The following PDE11A variants were observed in gnomAD, a reference collection of about 807,000 sequenced individuals.
PDE11A encodes dual 3',5'-cyclic-AMP and -GMP phosphodiesterase 11A.
A neutral mutation model predicts 100.5 loss-of-function variants in PDE11A; 100 were observed. The observed-to-expected ratio is 1.00, with a 90% CI of 0.85 to 1.18. The LOEUF is 1.18. Ranked by LOEUF, PDE11A falls within the 50% of genes most tolerant of loss-of-function variation. The pLI, the probability that PDE11A is intolerant of heterozygous loss-of-function variation, is 0.00. For missense variants in PDE11A, 1,141 were observed against 1,152.6 expected (o/e 0.99, Z 0.15); for synonymous variants, 381 against 420.8 (o/e 0.91, Z 1.16).
At chr2:177,678,632 C>G (rs1574035628) in intron 16 of PDE11A, among the ~76,000 whole-genome samples, 1 of 152,212 alleles carries the variant, frequency 6.6e-6, no homozygotes, top group East Asian at 1.9e-4. Flanking sequence ...AGAGCACCAC[C>G]CTTGGTGCAA....
At chr2:177,905,878 C>T (rs2084778003) in intron 2 of PDE11A, among the ~76,000 whole-genome samples, 1 of 152,134 alleles carries the variant, frequency 6.6e-6, no homozygotes, top group Admixed American at 6.5e-5. Flanking sequence ...GAGAAGTCCT[C>T]CTATGGGCAG....
At chr2:177,905,278 A>G in intron 2 of PDE11A, 91 bp from the exon 3 acceptor site, 1 of 701,784 alleles carries the variant, frequency 1.4e-6, no homozygotes, top group Admixed American at 2.1e-5. Flanking sequence ...TATATGCCTG[A>G]TTGTAATACT....
At chr2:178,027,858 C>T (rs1417451486) in intron 1 of PDE11A, among the ~76,000 whole-genome samples, 1 of 152,162 alleles carries the variant, frequency 6.6e-6, no homozygotes, top group African/African-American at 2.4e-5. Context: ...ATCACAACCT[C>T]TTATGTGGCA....
In PDE11A at chr2:177,629,407, T is replaced by G; in HGVS notation, c.2802A>C (p.Ter934TyrextTer10). 3 of 1,613,322 alleles carry G rather than the reference T, an allele frequency of 1.9e-6. No individual in the cohort carries two copies. The highest frequency in any genetic ancestry group is 2.5e-6 in the Non-Finnish European group (3 of 1,179,892). The part of the protein sequence containing the change: ...SVMVAKEDRN[*>Y] ...TTGCAGCTGCAGCTGACCTGGAGGT[T>G]TAGTTCCTGTCTTCCTTGGCTACCA... Residue 934 changes from the stop codon to tyrosine (Y), a stop_lost, in exon 20 of 20, where the codon TAA (stop) becomes TAC (tyrosine). Coordinates refer to ENST00000286063, the MANE Select transcript of PDE11A (RefSeq NM_016953.4).
intron 5 of PDE11A, among the ~76,000 whole-genome samples, chr2:177,857,411 T>C (rs879936969): frequency 1.3e-5 from 2 of 151,988 alleles, no homozygotes; most frequent in Non-Finnish European, 2.9e-5. Context: ...ATAGTATAAA[T>C]GTATGTTTGT....
chr2:177,723,533 C>T (rs1338100946), intron 12 of PDE11A, among the ~76,000 whole-genome samples: 1 of 152,148 alleles, frequency 6.6e-6, no homozygotes, highest in Non-Finnish European at 1.5e-5. Flanking sequence ...TCTATATGAA[C>T]CCTAGCTGAA....
chr2:177,659,991 G>C (rs956421552), intron 19 of PDE11A, among the ~76,000 whole-genome samples: 2 of 152,058 alleles, frequency 1.3e-5, no homozygotes, highest in South Asian at 4.1e-4. Context: ...TGATTAAAAG[G>C]CTGTCACCCA....
chr2:178,019,292 C>T (rs1421367729), intron 1 of PDE11A, among the ~76,000 whole-genome samples: 4 of 152,050 alleles, frequency 2.6e-5, no homozygotes, highest in East Asian at 3.9e-4. Context: ...AGAGAAGTTC[C>T]GTTTAGGGAA....
intron 1 of PDE11A, among the ~76,000 whole-genome samples, chr2:178,059,279 G>T (rs2086937684): frequency 6.6e-6 from 1 of 152,186 alleles, no homozygotes; most frequent in Admixed American, 6.5e-5. Flanking sequence ...TGGGTATGGG[G>T]AGAGTCAGTG....
At chr2:177,752,314 G>A (rs1392634863) in intron 10 of PDE11A, among the ~76,000 whole-genome samples, 3 of 152,156 alleles carry the variant, frequency 2.0e-5, no homozygotes, top group South Asian at 2.1e-4. Context: ...CAAAAAATAC[G>A]TAGGTTTCAG....
At chr2:177,730,948 T>A (rs1039866499) in intron 10 of PDE11A, among the ~76,000 whole-genome samples, 7 of 152,092 alleles carry the variant, frequency 4.6e-5, no homozygotes, top group Admixed American at 3.9e-4. Context: ...CCCCATTTCC[T>A]CCTCCTCCCA....
intron 15 of PDE11A, among the ~76,000 whole-genome samples, chr2:177,694,559 T>C (rs557970076): frequency 3.3e-5 from 5 of 152,310 alleles, no homozygotes; most frequent in African/African-American, 1.2e-4. Flanking sequence ...TACTGTTATC[T>C]CCATTTTATA....
At chr2:177,684,269 C>T (rs2105511066) in intron 15 of PDE11A, among the ~76,000 whole-genome samples, 1 of 152,200 alleles carries the variant, frequency 6.6e-6, no homozygotes, top group East Asian at 1.9e-4. Flanking sequence ...GTAATTCCCT[C>T]TTTAAATGTA....
chr2:177,731,232 C>T (rs2081684100), intron 10 of PDE11A, among the ~76,000 whole-genome samples: 2 of 152,142 alleles, frequency 1.3e-5, no homozygotes, highest in African/African-American at 2.4e-5. Flanking sequence ...TATTTTAATA[C>T]ATTAGAGGCT....
chr2:178,067,661 G>A (rs2087065918), intron 1 of PDE11A, among the ~76,000 whole-genome samples: 1 of 152,084 alleles, frequency 6.6e-6, no homozygotes, highest in Non-Finnish European at 1.5e-5. Context: ...CTCCATACTT[G>A]TCCAAGACTA....
At chr2:178,040,966 G>T (rs998303518) in intron 1 of PDE11A, among the ~76,000 whole-genome samples, 1 of 151,936 alleles carries the variant, frequency 6.6e-6, no homozygotes, top group Admixed American at 6.6e-5. Flanking sequence ...TTGAGACAGG[G>T]TCTCACTCTG....
At chr2:177,897,124 G>C (rs1204448578) in intron 4 of PDE11A, among the ~76,000 whole-genome samples, 2 of 152,100 alleles carry the variant, frequency 1.3e-5, no homozygotes, top group African/African-American at 4.8e-5. Context: ...GTAAAGTGTG[G>C]CAAAATAACA....
intron 19 of PDE11A, among the ~76,000 whole-genome samples, chr2:177,631,553 GTATATATATATATATACA>G (rs59525085): frequency 0.099 from 1,943 of 19,676 alleles, 203 homozygotes; most frequent in South Asian, 0.31. Flanking sequence ...ATATACACAT[GTATATATATATATATACA>G]TGTATATATA....
At chr2:177,857,340 C>T (rs187143627) in intron 5 of PDE11A, among the ~76,000 whole-genome samples, 2 of 151,820 alleles carry the variant, frequency 1.3e-5, no homozygotes, top group Non-Finnish European at 2.9e-5. Context: ...AGGGAGCAAT[C>T]TGAATCCACA....
Sources: gnomAD v4.1 joint callset for allele counts (sites outside exome capture counted in the v4.1 genomes callset) on GRCh38, gnomAD v4.1.1 for gene constraint, MANE v1.5 for transcripts, NCBI Gene and HGNC (gene_info 2026-07-23, HGNC 2026-07-21) for gene names.